SLX4IP: variants seen among roughly 807,000 people sequenced by gnomAD.
SLX4IP encodes SLX4 interacting protein.
Under a neutral mutation model 32.9 loss-of-function variants are expected in SLX4IP, and 34 were observed. The observed-to-expected ratio is 1.03, with a 90% CI of 0.79 to 1.38. SLX4IP has a LOEUF of 1.38. Among genes scored for constraint, SLX4IP ranks in the 40% most tolerant of loss-of-function variants. The pLI is 0.00. For synonymous variants in SLX4IP, 172 were observed against 171.7 expected, an observed-to-expected ratio of 1.00 and a Z score of -0.01; for missense variants, 444 against 479.0, an observed-to-expected ratio of 0.93 and a Z score of 0.68.
intron 2 of SLX4IP, among the ~76,000 whole-genome samples, chr20:10,539,832 T>C (rs1475663043): frequency 1.3e-5 from 2 of 152,118 alleles, no homozygotes; most frequent in Non-Finnish European, 1.5e-5. Flanking sequence ...TTTGATTTCA[T>C]TGGCGTAGAA....
intron 2 of SLX4IP, among the ~76,000 whole-genome samples, chr20:10,515,104 G>C (rs1410303971): frequency 1.4e-5 from 1 of 69,594 alleles, no homozygotes; most frequent in Non-Finnish European, 2.8e-5. Context: ...TTTTTTTTGA[G>C]ACGGAGTCTT....
intron 1 of SLX4IP, among the ~76,000 whole-genome samples, chr20:10,451,595 T>G (rs535328724): frequency 1.3e-4 from 20 of 152,358 alleles, no homozygotes; most frequent in Non-Finnish European, 2.4e-4. Context: ...TTTCAAAGTC[T>G]TGGTTAAAAC....
At chr20:10,546,871 G>A (rs1052219682) in intron 2 of SLX4IP, among the ~76,000 whole-genome samples, 1 of 152,172 alleles carries the variant, frequency 6.6e-6, no homozygotes, top group African/African-American at 2.4e-5. Flanking sequence ...AAAACCATTA[G>A]GGAGGGTCTA....
chr20:10,525,966 G>T (rs2065936955), intron 2 of SLX4IP, among the ~76,000 whole-genome samples: 1 of 152,110 alleles, frequency 6.6e-6, no homozygotes, highest in African/African-American at 2.4e-5. Flanking sequence ...ATGCCTTGCT[G>T]CCGGCATTCT....
intron 1 of SLX4IP, among the ~76,000 whole-genome samples, chr20:10,437,567 A>G (rs1018042656): frequency 6.6e-6 from 1 of 152,244 alleles, no homozygotes; most frequent in African/African-American, 2.4e-5. Flanking sequence ...AATGTAAGGA[A>G]CCAGCTTCCC....
At chr20:10,607,889 A>G (rs145073753) in intron 6 of SLX4IP, among the ~76,000 whole-genome samples, 2 of 152,314 alleles carry the variant, frequency 1.3e-5, no homozygotes, top group East Asian at 3.9e-4. Flanking sequence ...TAATAATGAA[A>G]TCTTCCCAAA....
intron 6 of SLX4IP, among the ~76,000 whole-genome samples, chr20:10,606,389 C>A (rs1441689219): frequency 6.6e-6 from 1 of 152,144 alleles, no homozygotes; most frequent in Non-Finnish European, 1.5e-5. Context: ...AAAGAATTCT[C>A]TATTTTTGTG....
intron 2 of SLX4IP, among the ~76,000 whole-genome samples, chr20:10,533,889 G>A (rs573008654): frequency 3.3e-5 from 5 of 152,166 alleles, no homozygotes; most frequent in Admixed American, 2.0e-4. Context: ...CAAAGTGCTA[G>A]GATTATAGGT....
intron 7 of SLX4IP, among the ~76,000 whole-genome samples, chr20:10,622,129 A>G (rs1189115000): frequency 6.6e-6 from 1 of 152,216 alleles, no homozygotes; most frequent in Non-Finnish European, 1.5e-5. Flanking sequence ...ATTTCAAATT[A>G]TATTAACTAA....
At chr20:10,568,796 G>C (rs2066425606) in intron 4 of SLX4IP, among the ~76,000 whole-genome samples, 2 of 152,176 alleles carry the variant, frequency 1.3e-5, no homozygotes, top group African/African-American at 4.8e-5. Flanking sequence ...CCTATCCCAA[G>C]GATACACTCA....
intron 4 of SLX4IP, among the ~76,000 whole-genome samples, chr20:10,582,238 C>T (rs753417244): frequency 6.6e-6 from 1 of 152,130 alleles, no homozygotes; most frequent in Non-Finnish European, 1.5e-5. Context: ...CAGCTTTAGA[C>T]CTTCCCAGAC....
intron 4 of SLX4IP, among the ~76,000 whole-genome samples, chr20:10,562,866 G>A (rs188300652): frequency 1.2e-3 from 184 of 152,278 alleles, no homozygotes; most frequent in African/African-American, 3.9e-3. Context: ...GAGTAGCACT[G>A]CAGTAAGCAA....
At chr20:10,484,761 A>G (rs980633467) in intron 2 of SLX4IP, among the ~76,000 whole-genome samples, 2 of 152,200 alleles carry the variant, frequency 1.3e-5, no homozygotes, top group Non-Finnish European at 2.9e-5. Context: ...AGTCATACAC[A>G]TATGAAAAAG....
chr20:10,452,776 A>G (rs2065254005), intron 1 of SLX4IP, among the ~76,000 whole-genome samples: 1 of 151,326 alleles, frequency 6.6e-6, no homozygotes, highest in Admixed American at 6.6e-5. Flanking sequence ...GCTTCAGTCC[A>G]GGAAGTGGAG....
At chr20:10,588,992 TGTG>T (rs560361198) in intron 4 of SLX4IP, among the ~76,000 whole-genome samples, 168 of 152,344 alleles carry the variant, frequency 1.1e-3, no homozygotes, top group Middle Eastern at 0.01. Context: ...TTAGCCTGAT[TGTG>T]GTAATCATTT....
chr20:10,449,664 G>T (rs2065226581), intron 1 of SLX4IP, among the ~76,000 whole-genome samples: 1 of 152,184 alleles, frequency 6.6e-6, no homozygotes, highest in Non-Finnish European at 1.5e-5. Flanking sequence ...CTAAAATTGT[G>T]ACTTTTTGAA....
chr20:10,583,627 G>A (rs559403700), intron 4 of SLX4IP, among the ~76,000 whole-genome samples: 2 of 152,146 alleles, frequency 1.3e-5, no homozygotes, highest in African/African-American at 2.4e-5. Flanking sequence ...TGAGGCTGGG[G>A]TCCCTTGTGT....
intron 2 of SLX4IP, among the ~76,000 whole-genome samples, chr20:10,539,916 T>C (rs969022988): frequency 6.6e-6 from 1 of 152,200 alleles, no homozygotes; most frequent in Non-Finnish European, 1.5e-5. Context: ...ACCACTCTTC[T>C]AGGCCAGTGA....
intron 2 of SLX4IP, among the ~76,000 whole-genome samples, chr20:10,538,061 T>A (rs751500331): frequency 6.6e-6 from 1 of 152,116 alleles, no homozygotes; most frequent in Non-Finnish European, 1.5e-5. Context: ...CCTAATCCCA[T>A]GAAGAAAGCA....
Sources: gnomAD v4.1 joint callset for allele counts (sites outside exome capture counted in the v4.1 genomes callset) on GRCh38, gnomAD v4.1.1 for gene constraint, MANE v1.5 for transcripts, NCBI Gene and HGNC (gene_info 2026-07-23, HGNC 2026-07-21) for gene names.